Variants in XKR4 observed in about 807,000 individuals in gnomAD.
XKR4 encodes the protein XK-related protein 4.
In XKR4, 12 loss-of-function variants were observed where a neutral mutation model predicts 53.9. That is an observed-to-expected ratio of 0.22 (90% CI 0.14 to 0.36). The LOEUF (loss-of-function observed/expected upper bound fraction) is 0.36. XKR4 is among the 10% of genes least tolerant of loss of function. The probability of loss-of-function intolerance (pLI) is 1.00; values close to 1 mark genes in which losing one functional copy is unlikely to be tolerated. For synonymous variants in XKR4, 354 were observed against 362.4 expected (o/e 0.98, Z 0.26); for missense variants, 799 against 859.5 (o/e 0.93, Z 0.88).
At chr8:55,296,403 A>C (rs555874980) in intron 1 of XKR4, among the ~76,000 whole-genome samples, 2 of 152,312 alleles carry the variant, frequency 1.3e-5, no homozygotes, top group Admixed American at 1.3e-4. Context: ...AAAAGGGTAG[A>C]CTGGAGATTG....
intron 1 of XKR4, among the ~76,000 whole-genome samples, chr8:55,230,152 T>C (rs1424882644): frequency 6.6e-6 from 1 of 152,226 alleles, no homozygotes; most frequent in Non-Finnish European, 1.5e-5. Flanking sequence ...CTGTTCATGT[T>C]ACTCCCTGAT....
chr8:55,385,777 C>T (rs913487062), intron 2 of XKR4, among the ~76,000 whole-genome samples: 6 of 152,166 alleles, frequency 3.9e-5, no homozygotes, highest in African/African-American at 1.2e-4. Context: ...ATACATTGCA[C>T]TCATATGCAA....
intron 1 of XKR4, among the ~76,000 whole-genome samples, chr8:55,263,633 A>C (rs891207597): frequency 6.6e-6 from 1 of 152,240 alleles, no homozygotes; most frequent in African/African-American, 2.4e-5. Flanking sequence ...CAGTTTACAA[A>C]TATTCTCTTT....
At chr8:55,348,794 A>T (rs974021578) in intron 1 of XKR4, among the ~76,000 whole-genome samples, 7 of 152,126 alleles carry the variant, frequency 4.6e-5, no homozygotes, top group African/African-American at 1.4e-4. Flanking sequence ...AGTAACAGAG[A>T]CAGACAGACA....
chr8:55,463,097 A>G (rs985673050), intron 2 of XKR4, among the ~76,000 whole-genome samples: 12 of 151,872 alleles, frequency 7.9e-5, no homozygotes, highest in African/African-American at 2.9e-4. Context: ...ATATCCAGGA[A>G]TTGAACTCAG....
At chr8:55,498,670 G>A (rs895946693) in intron 2 of XKR4, among the ~76,000 whole-genome samples, 7 of 152,132 alleles carry the variant, frequency 4.6e-5, no homozygotes, top group Non-Finnish European at 8.8e-5. Flanking sequence ...CTACTCAGGC[G>A]GCTGAGTCAG....
chr8:55,449,468 G>C, intron 2 of XKR4: 4 of 968,928 alleles, frequency 4.1e-6, no homozygotes, highest in East Asian at 5.2e-5. Context: ...CTAGTGGTCG[G>C]TAACGACTGG....
intron 2 of XKR4, among the ~76,000 whole-genome samples, chr8:55,422,211 TACA>T (rs1327122761): frequency 6.6e-6 from 1 of 152,230 alleles, no homozygotes; most frequent in East Asian, 1.9e-4. Context: ...ATTCATCACC[TACA>T]ATGTGAGGAA....
In XKR4 at chr8:55,540,056, T is replaced by C. The variant is rs1049673268; in HGVS notation, c.*15829T>C. The stretch of plus-strand genomic sequence containing the variant: ...AGATATAAGCTATACATCTCATCAC[T>C]GGAAGAAAGGAGACTTCAGCCTCTT... On this transcript the variant is annotated 3_prime_UTR_variant, in exon 3 of 3. Coordinates refer to ENST00000327381, the MANE Select transcript of XKR4 (RefSeq NM_052898.2). 3.3e-5 allele frequency: 5 copies of C among 152,206 alleles called. No individual in the cohort carries two copies. Among genetic ancestry groups the C allele is most frequent in the African/African-American group, 9.6e-5 (4 of 41,466 alleles). 9.4% of individuals were successfully genotyped at this position (152,206 alleles called of 1,614,324 possible).
intron 1 of XKR4, among the ~76,000 whole-genome samples, chr8:55,221,044 T>C (rs971747006): frequency 6.6e-6 from 1 of 152,214 alleles, no homozygotes; most frequent in Non-Finnish European, 1.5e-5. Flanking sequence ...CATCTCCTCA[T>C]TGGCTTATAT....
chr8:55,518,842 T>C (rs1334953278), intron 2 of XKR4, among the ~76,000 whole-genome samples: 1 of 151,806 alleles, frequency 6.6e-6, no homozygotes, highest in African/African-American at 2.4e-5. Flanking sequence ...CAGACCAAAA[T>C]GGGGCAACAA....
At chr8:55,503,475 A>G (rs536443829) in intron 2 of XKR4, among the ~76,000 whole-genome samples, 1 of 151,918 alleles carries the variant, frequency 6.6e-6, no homozygotes, top group Non-Finnish European at 1.5e-5. Flanking sequence ...TTTCCTTTTC[A>G]TGTTTCCATT....
intron 1 of XKR4, among the ~76,000 whole-genome samples, chr8:55,243,937 C>T (rs1818246916): frequency 6.6e-6 from 1 of 152,214 alleles, no homozygotes; most frequent in African/African-American, 2.4e-5. Flanking sequence ...ACTAAATAAA[C>T]ACAACAGTAA....
chr8:55,454,936 G>A (rs1484703626), intron 2 of XKR4: 6 of 816,150 alleles, frequency 7.4e-6, no homozygotes, highest in South Asian at 2.8e-5. Context: ...AGTTGATGTC[G>A]GTGAGGACAG....
At chr8:55,212,658 AT>A (rs1411244265) in intron 1 of XKR4, among the ~76,000 whole-genome samples, 2 of 152,194 alleles carry the variant, frequency 1.3e-5, no homozygotes, top group East Asian at 1.9e-4. Context: ...TTAGAATTTT[AT>A]TTTTGGTTTA....
At chr8:55,414,570 A>C (rs1192223258) in intron 2 of XKR4, among the ~76,000 whole-genome samples, 1 of 150,192 alleles carries the variant, frequency 6.7e-6, no homozygotes, top group Non-Finnish European at 1.5e-5. Context: ...GATTATATAT[A>C]ATATATATAT....
At chr8:55,350,960 C>G (rs183142741) in intron 1 of XKR4, among the ~76,000 whole-genome samples, 2 of 151,880 alleles carry the variant, frequency 1.3e-5, no homozygotes, top group Admixed American at 6.6e-5. Flanking sequence ...AGGCTGGTCT[C>G]GAACTCCTGA....
chr8:55,281,086 A>G (rs2129373866), intron 1 of XKR4, among the ~76,000 whole-genome samples: 1 of 152,332 alleles, frequency 6.6e-6, no homozygotes, highest in African/African-American at 2.4e-5. Context: ...GACAATAGAC[A>G]CTAATGGAAA....
At chr8:55,164,450 G>A (rs1817035323) in intron 1 of XKR4, 1 of 456,156 alleles carries the variant, frequency 2.2e-6, no homozygotes, top group Non-Finnish European at 4.4e-6. Flanking sequence ...CTTGAGGACA[G>A]AGCTGGAAGT....
Sources: allele counts gnomAD v4.1 joint callset (sites outside exome capture counted in the v4.1 genomes callset), GRCh38; gene constraint gnomAD v4.1.1; transcripts MANE v1.5; gene names NCBI Gene and HGNC (gene_info 2026-07-23, HGNC 2026-07-21).